Variants in GIGYF2 observed in about 807,000 individuals in gnomAD.
The protein encoded by GIGYF2 is GRB10 interacting GYF protein 2, also known as GRB10-interacting GYF protein 2.
Under a neutral mutation model 208.1 loss-of-function variants are expected in GIGYF2, and 25 were observed. That is an observed-to-expected ratio of 0.12 (90% CI 0.09 to 0.17). The LOEUF is 0.17. Ranked by LOEUF, GIGYF2 falls within the 10% of genes least tolerant of loss-of-function variation. The pLI is 1.00. For synonymous variants in GIGYF2, 534 were observed against 543.8 expected (o/e 0.98, Z 0.25); for missense variants, 1,302 against 1,579.4 (o/e 0.82, Z 2.98).
Position 232,794,819 on chromosome 2 carries a change from C to G in GIGYF2, c.1354C>G (p.Pro452Ala), listed in dbSNP as rs551802854. ...TACAGCCTCTCCTCTTCTCATACTT[C>G]CACCTCCTGTTCCCAATCCTAGTCC... The part of the protein sequence containing the change: ...SDTASPLLIL[P>A]PPVPNPSPTL... Residue 452 changes from proline (P) to alanine (A), a missense_variant, in exon 13 of 29, where the codon CCA becomes GCA. By Grantham distance (27) the Pro-to-Ala change is conservative. Around this residue, in one of 8 missense-constraint regions of GIGYF2, gnomAD observed 235 missense variants for 218.8 expected, o/e 1.07. Coordinates refer to ENST00000373563, the MANE Select transcript of GIGYF2 (RefSeq NM_001103146.3). The G allele has an allele frequency of 1.9e-6, 3 of 1,613,738 alleles. No homozygotes were observed. Among genetic ancestry groups the G allele is most frequent in the Admixed American group, 1.7e-5 (1 of 60,016 alleles).
chr2:232,739,272 C>T (rs187390541), intron 3 of GIGYF2, among the ~76,000 whole-genome samples: 1 of 149,472 alleles, frequency 6.7e-6, no homozygotes, highest in African/African-American at 2.5e-5. Flanking sequence ...ACAGGAGAAT[C>T]GTTTGAACCC....
At chr2:232,761,460 A>C (rs748678222) in intron 8 of GIGYF2, 24 bp downstream of exon 8, 1 of 1,444,618 alleles carries the variant, frequency 6.9e-7, no homozygotes. Flanking sequence ...CTACACACAT[A>C]AGGATAAATT....
intron 1 of GIGYF2, among the ~76,000 whole-genome samples, chr2:232,702,379 C>T (rs1216295422): frequency 2.6e-5 from 4 of 151,800 alleles, no homozygotes; most frequent in African/African-American, 9.7e-5. Context: ...GCGGAGGTTG[C>T]CTTGAGCCCA....
At chr2:232,784,576 G>A (rs1248173304) in intron 8 of GIGYF2, among the ~76,000 whole-genome samples, 4 of 142,974 alleles carry the variant, frequency 2.8e-5, no homozygotes, top group African/African-American at 7.7e-5. Context: ...ATTTTTAGTA[G>A]AGATGGGGTT....
chr2:232,705,138 C>T (rs1003586656), intron 2 of GIGYF2, among the ~76,000 whole-genome samples: 6 of 151,256 alleles, frequency 4.0e-5, no homozygotes, highest in Admixed American at 1.3e-4. Flanking sequence ...GGATTACAGG[C>T]GTGAGCCACC....
rs559903982 is a variant in GIGYF2 at position 232,776,979 on chromosome 2, A to C, written c.533-10171A>C. ...TTGGGGAAGATTTATTTGGATAAGG[A>C]CTTATAGGCATAAATTAATGCATTG... On this transcript the variant is annotated intron_variant, in intron 8 of 28. Coordinates refer to ENST00000373563, the MANE Select transcript of GIGYF2 (RefSeq NM_001103146.3). Among the ~76,000 whole-genome samples, 8 of 151,790 alleles carry C rather than the reference A, an allele frequency of 5.3e-5. No homozygotes were observed. In the South Asian group the frequency reaches 1.7e-3, roughly 31 times the overall value.
chr2:232,731,977 AAAAT>A (rs748459139), intron 2 of GIGYF2, among the ~76,000 whole-genome samples: 3 of 152,372 alleles, frequency 2.0e-5, no homozygotes, highest in East Asian at 3.9e-4. Flanking sequence ...AAATAGAAGT[AAAAT>A]AAATTTGTTA....
chr2:232,775,994 A>T (rs1699495578), intron 8 of GIGYF2, among the ~76,000 whole-genome samples: 1 of 152,176 alleles, frequency 6.6e-6, no homozygotes, highest in East Asian at 1.9e-4. Flanking sequence ...CAATAATTCC[A>T]TGCTTAAAAA....
intron 5 of GIGYF2, among the ~76,000 whole-genome samples, chr2:232,752,971 A>AT (rs1316394764): frequency 5.3e-5 from 8 of 151,912 alleles, no homozygotes; most frequent in Non-Finnish European, 5.9e-5. Flanking sequence ...CACTATTTCC[A>AT]TTTTTTTTGT....
intron 8 of GIGYF2, chr2:232,768,129 T>C: frequency 6.5e-7 from 1 of 1,541,294 alleles, no homozygotes; most frequent in Non-Finnish European, 9.0e-7. Context: ...TGAGATACAG[T>C]AAAGAAAAAG....
rs896121945 is a variant in GIGYF2, at chr2:232,747,095, A to G, written c.42-520A>G. On this transcript the variant is annotated intron_variant, in intron 3 of 28. Transcript: ENST00000373563. ...TTTCTTTTGTATAGCATACTTTATT[A>G]AATATTTTAGCTATTACCAAATTGC... is the stretch of plus-strand genomic sequence containing the variant. Among the ~76,000 whole-genome samples the G allele has an allele frequency of 3.3e-5, 5 of 152,286 alleles. No homozygotes were observed. In the South Asian group the frequency reaches 8.3e-4, roughly 25 times the overall value.
In GIGYF2 at chr2:232,748,989, A is replaced by G; in HGVS notation, c.174A>G (p.Ile58Met). 1 of 1,506,338 alleles carries G rather than the reference A, an allele frequency of 6.6e-7. No homozygotes were observed. The highest frequency in any genetic ancestry group is 9.2e-7 in the Non-Finnish European group (1 of 1,081,778). 93.3% of individuals were successfully genotyped at this position (1,506,338 alleles called of 1,614,324 possible). The change falls in exon 5 of 29, where the codon ATA becomes ATG. Residue 58 changes from isoleucine to methionine, a missense_variant and splice_region_variant. Physicochemically the swap from Ile to Met is conservative, Grantham distance 10. Coordinates refer to ENST00000373563, the MANE Select transcript of GIGYF2 (RefSeq NM_001103146.3). Reference protein sequence around the residue: ...MLALFLKDNKIPSDLLDKEFL... With the variant: ...MLALFLKDNKMPSDLLDKEFL... ...TAATCATGTGTTTGGTCCTACAGAT[A>G]CCTTCAGACCTTCTGGATAAAGAAT... is the stretch of plus-strand genomic sequence containing the variant.
At chr2:232,790,235 G>A (rs7601559) in intron 9 of GIGYF2, among the ~76,000 whole-genome samples, 14,147 of 152,094 alleles carry the variant, frequency 0.093, 908 homozygotes, top group East Asian at 0.17. Flanking sequence ...TCAACACAGG[G>A]AGCTGATTTT....
intron 8 of GIGYF2, among the ~76,000 whole-genome samples, chr2:232,763,464 G>C (rs149821506): frequency 1.3e-5 from 2 of 152,006 alleles, no homozygotes; most frequent in South Asian, 4.2e-4. Flanking sequence ...TATAAATTAG[G>C]CACAGTAAGA....
chr2:232,794,847 C>T lies in GIGYF2; in HGVS notation c.1382C>T (p.Thr461Ile). The change falls in exon 13 of 29, where the codon ACT (threonine) becomes ATT (isoleucine). Residue 461 changes from threonine (T) to isoleucine (I), a missense_variant. Around this residue, in one of 8 missense-constraint regions of GIGYF2, gnomAD observed 235 missense variants for 218.8 expected, o/e 1.07. Transcript: ENST00000373563. The part of the protein sequence containing the change: ...LPPPVPNPSP[T>I]LRPVETPVVG... Reference sequence around the variant, plus strand: ...CCTCCTGTTCCCAATCCTAGTCCTACTCTCCGGCCAGTTGAAACACCAGTT... The same window carrying T: ...CCTCCTGTTCCCAATCCTAGTCCTATTCTCCGGCCAGTTGAAACACCAGTT... 1 of 1,613,722 alleles carries T rather than the reference C, an allele frequency of 6.2e-7. No homozygotes were observed. The highest frequency in any genetic ancestry group is 1.3e-5 in the African/African-American group (1 of 75,030).
chr2:232,786,687 G>A (rs1699917976), intron 8 of GIGYF2, among the ~76,000 whole-genome samples: 1 of 152,192 alleles, frequency 6.6e-6, no homozygotes, highest in Admixed American at 6.5e-5. Flanking sequence ...TGCTAGTAAG[G>A]AAGGATTGGC....
chr2:232,854,502 A>G (rs1457734141), intron 28 of GIGYF2, among the ~76,000 whole-genome samples: 1 of 152,090 alleles, frequency 6.6e-6, no homozygotes, highest in African/African-American at 2.4e-5. Flanking sequence ...TTAAAAATAC[A>G]TATATATGTA....
At chr2:232,785,035 G>C (rs1699866121) in intron 8 of GIGYF2, among the ~76,000 whole-genome samples, 1 of 151,574 alleles carries the variant, frequency 6.6e-6, no homozygotes, top group African/African-American at 2.4e-5. Context: ...ACAGATGCTG[G>C]TGCCATGCTT....
intron 8 of GIGYF2, among the ~76,000 whole-genome samples, chr2:232,778,617 A>C (rs1217103698): frequency 2.0e-5 from 3 of 152,178 alleles, no homozygotes; most frequent in Admixed American, 6.5e-5. Flanking sequence ...TGAGTCTATA[A>C]TATAAAGCAA....
Sources: allele counts gnomAD v4.1 joint callset (sites outside exome capture counted in the v4.1 genomes callset), GRCh38; gene constraint gnomAD v4.1.1; regional missense constraint gnomAD v4.1.1; transcripts MANE v1.5; gene names NCBI Gene and HGNC (gene_info 2026-07-23, HGNC 2026-07-21).